The following VPS35L variants were observed in gnomAD, a reference collection of about 807,000 sequenced individuals.
VPS35L encodes VPS35 endosomal protein sorting factor like.
In VPS35L, 83 loss-of-function variants were observed where a neutral mutation model predicts 133.0. That is an observed-to-expected ratio of 0.62 (90% CI 0.52 to 0.75). The LOEUF (loss-of-function observed/expected upper bound fraction) is 0.75. Among genes scored for constraint, VPS35L ranks in the 30% least tolerant of loss-of-function variants. VPS35L has a pLI of 0.00. For missense variants in VPS35L, 1,083 were observed against 1,206.8 expected (o/e 0.90, Z 1.52); for synonymous variants, 423 against 449.9 (o/e 0.94, Z 0.76).
chr16:19,646,668 A>G (rs371907527), intron 23 of VPS35L, among the ~76,000 whole-genome samples: 1,373 of 69,008 alleles, frequency 0.02, 15 homozygotes, highest in South Asian at 0.067. Context: ...CTGTCTTGGG[A>G]AAAAAAAAAA....
At chr16:19,694,678 G>A (rs958679728) in intron 29 of VPS35L, among the ~76,000 whole-genome samples, 2 of 151,746 alleles carry the variant, frequency 1.3e-5, no homozygotes, top group African/African-American at 4.8e-5. Flanking sequence ...TTACACAGCC[G>A]AGGTCTCTCT....
intron 12 of VPS35L, 39 bp downstream of exon 12, chr16:19,610,454 C>A (rs376389266): frequency 6.6e-7 from 1 of 1,517,756 alleles, no homozygotes; most frequent in African/African-American, 1.4e-5. Flanking sequence ...GGCACGGCTG[C>A]CACCCGTCTC....
intron 22 of VPS35L, among the ~76,000 whole-genome samples, chr16:19,643,065 G>T (rs549122129): frequency 2.0e-5 from 3 of 152,170 alleles, no homozygotes; most frequent in Non-Finnish European, 4.4e-5. Flanking sequence ...AATGTTACAA[G>T]AATGGAGAAA....
intron 8 of VPS35L, among the ~76,000 whole-genome samples, chr16:19,594,794 G>A: frequency 6.6e-6 from 1 of 152,120 alleles, no homozygotes. Flanking sequence ...AAACCAGAGT[G>A]GGGTGAGGGG....
chr16:19,563,552 G>C (rs1597302358), intron 1 of VPS35L, among the ~76,000 whole-genome samples: 1 of 152,256 alleles, frequency 6.6e-6, no homozygotes, highest in East Asian at 1.9e-4. Context: ...AGTTATATGT[G>C]TGTTAGGCCT....
At chr16:19,596,038 G>A (rs939907991) in intron 8 of VPS35L, among the ~76,000 whole-genome samples, 22 of 152,030 alleles carry the variant, frequency 1.4e-4, no homozygotes, top group African/African-American at 5.3e-4. Flanking sequence ...CAGCTACTCG[G>A]GAAGCTGAGG....
chr16:19,631,958 AT>A (rs35363007), intron 18 of VPS35L, among the ~76,000 whole-genome samples: 60,471 of 150,816 alleles, frequency 0.4, 12,711 homozygotes, highest in African/African-American at 0.52. Flanking sequence ...AAAGTTACTA[AT>A]TTTTTTTTTC....
chr16:19,643,085 G>A (rs1973835097), intron 22 of VPS35L, among the ~76,000 whole-genome samples: 1 of 152,160 alleles, frequency 6.6e-6, no homozygotes, highest in South Asian at 2.1e-4. Flanking sequence ...AATTGTTTTG[G>A]AACTTAACCA....
chr16:19,614,571 C>T (rs1008302072), intron 12 of VPS35L, among the ~76,000 whole-genome samples: 10 of 152,146 alleles, frequency 6.6e-5, no homozygotes, highest in South Asian at 2.1e-4. Flanking sequence ...CCACCACACC[C>T]GGCTAATTTT....
intron 2 of VPS35L, among the ~76,000 whole-genome samples, chr16:19,566,871 T>A (rs1053608262): frequency 6.6e-6 from 1 of 152,122 alleles, no homozygotes; most frequent in African/African-American, 2.4e-5. Context: ...TGCTTCAGCC[T>A]CCTGAGTAGC....
chr16:19,681,394 G>C (rs1259613090), intron 27 of VPS35L, among the ~76,000 whole-genome samples: 4 of 152,222 alleles, frequency 2.6e-5, no homozygotes, highest in Non-Finnish European at 4.4e-5. Context: ...TGTTCCCCCT[G>C]CCGCTGCGGG....
intron 8 of VPS35L, among the ~76,000 whole-genome samples, chr16:19,598,450 T>G (rs1972282629): frequency 6.6e-6 from 1 of 152,192 alleles, no homozygotes; most frequent in African/African-American, 2.4e-5. Context: ...CAAATCACTT[T>G]TTTCAGTAAA....
chr16:19,695,111 CCT>C (rs1214895641), intron 29 of VPS35L, among the ~76,000 whole-genome samples: 2 of 152,224 alleles, frequency 1.3e-5, no homozygotes, highest in Non-Finnish European at 2.9e-5. Context: ...CCAGCCTTCC[CCT>C]GATTTCTTGA....
intron 29 of VPS35L, among the ~76,000 whole-genome samples, chr16:19,695,274 T>C (rs1486372756): frequency 1.3e-5 from 2 of 152,168 alleles, no homozygotes; most frequent in East Asian, 1.9e-4. Context: ...TCAGAGGTGG[T>C]CACTGACAGC....
At chr16:19,561,569 A>G (rs1024891839) in intron 1 of VPS35L, among the ~76,000 whole-genome samples, 2 of 152,108 alleles carry the variant, frequency 1.3e-5, no homozygotes, top group Non-Finnish European at 2.9e-5. Flanking sequence ...CGGCACAATT[A>G]GATCTGGGGT....
At chr16:19,634,797 A>T (rs2151572312) in intron 19 of VPS35L, among the ~76,000 whole-genome samples, 1 of 152,286 alleles carries the variant, frequency 6.6e-6, no homozygotes, top group East Asian at 1.9e-4. Context: ...GGATATTTGC[A>T]TATCTCAAGA....
intron 7 of VPS35L, among the ~76,000 whole-genome samples, chr16:19,586,086 C>T (rs888250007): frequency 5.3e-5 from 8 of 151,832 alleles, no homozygotes; most frequent in Non-Finnish European, 7.4e-5. Context: ...TTTGTAGAAA[C>T]GGAGGGTTTT....
chr16:19,663,669 C>CTTTTTTTTTTTTTTTTTTTTT (rs59826351), intron 26 of VPS35L, among the ~76,000 whole-genome samples: 1 of 63,914 alleles, frequency 1.6e-5, no homozygotes, highest in Non-Finnish European at 2.7e-5. Flanking sequence ...GCAGTAATTT[C>CTTTTTTTTTTTTTTTTTTTTT]TTTTTTTTTT....
intron 2 of VPS35L, among the ~76,000 whole-genome samples, chr16:19,566,538 G>T (rs908672818): frequency 1.3e-5 from 2 of 152,092 alleles, no homozygotes; most frequent in Admixed American, 6.6e-5. Flanking sequence ...AAATTTAATG[G>T]AGCTTAATTG....
Sources: allele counts gnomAD v4.1 joint callset (sites outside exome capture counted in the v4.1 genomes callset), GRCh38; gene constraint gnomAD v4.1.1; transcripts MANE v1.5; gene names NCBI Gene and HGNC (gene_info 2026-07-23, HGNC 2026-07-21).